Variants in RAB44 observed in about 807,000 individuals in gnomAD.
RAB44 encodes RAB44, member RAS oncogene family, also known as ras-related protein Rab-44.
RAB44 carries 67 observed loss-of-function variants against 93.3 expected under a neutral mutation model. The observed-to-expected ratio is 0.72, with a 90% CI of 0.59 to 0.88. RAB44 has a LOEUF of 0.88. Among genes scored for constraint, RAB44 ranks in the 40% least tolerant of loss-of-function variants. The pLI, the probability that RAB44 is intolerant of heterozygous loss-of-function variation, is 0.00. For synonymous variants in RAB44, 427 were observed against 520.3 expected (o/e 0.82, Z 2.44); for missense variants, 1,064 against 1,261.7 (o/e 0.84, Z 2.37).
chr6:36,713,377 G>A (rs1382724954), intron 2 of RAB44, among the ~76,000 whole-genome samples: 1 of 152,014 alleles, frequency 6.6e-6, no homozygotes, highest in African/African-American at 2.4e-5. Flanking sequence ...TGTATTTTTA[G>A]TAGAGACGGG....
intron 9 of RAB44, among the ~76,000 whole-genome samples, chr6:36,724,838 A>T (rs1372311885): frequency 6.6e-6 from 1 of 152,092 alleles, no homozygotes; most frequent in Non-Finnish European, 1.5e-5. Context: ...ACAGGAAATG[A>T]TCCTGCCTTC....
intron 11 of RAB44, 41 bp from the exon 12 acceptor site, chr6:36,728,659 C>A: frequency 6.6e-7 from 1 of 1,514,874 alleles, no homozygotes; most frequent in Non-Finnish European, 9.0e-7. Flanking sequence ...AGGAGCCTGG[C>A]ACACAGTGGG....
intron 3 of RAB44, 68 bp from the exon 4 acceptor site, chr6:36,715,411 C>A: frequency 6.9e-7 from 1 of 1,440,102 alleles, no homozygotes. Context: ...TGGACCAGGG[C>A]TGGGTGGGAG....
chr6:36,726,371 A>T (rs1309066797), intron 10 of RAB44, among the ~76,000 whole-genome samples: 1 of 152,110 alleles, frequency 6.6e-6, no homozygotes, highest in Non-Finnish European at 1.5e-5. Flanking sequence ...TCAGCCTCTG[A>T]GTAGCTGGGA....
intron 3 of RAB44, among the ~76,000 whole-genome samples, chr6:36,714,271 G>C (rs1017404838): frequency 6.6e-6 from 1 of 152,240 alleles, no homozygotes; most frequent in Non-Finnish European, 1.5e-5. Context: ...GAGCAGCAGA[G>C]GGTGATATCT....
chr6:36,717,293 TG>T lies in RAB44; in HGVS notation c.516del (p.Trp173GlyfsTer22). On this transcript the variant is annotated frameshift_variant, in exon 5 of 14. Transcript: ENST00000612677. LOFTEE classifies it high-confidence loss of function. The surrounding 1 kb of genome is among the most constrained non-coding windows in gnomAD (Gnocchi z 4.1). Reference protein sequence around the residue: ...LLPKQMEIWQLWGQLRQEEPQ... With the variant: ...LLPKQMEIWQXWGQLRQEEPQ... ...CCCAGGCAGATGGAAATCTGGCAAC[TG>T]TGGGGGCAGCTGCGGCAGGAGGAGC... The T allele has an allele frequency of 1.6e-6, 2 of 1,232,064 alleles. No homozygotes were observed. Among genetic ancestry groups the T allele is most frequent in the Non-Finnish European group, 1.0e-6 (1 of 987,944 alleles). 76.3% of individuals were successfully genotyped at this position (1,232,064 alleles called of 1,614,324 possible).
At position 36,704,331 on chromosome 6, in the gene RAB44, A is replaced by G; in HGVS notation, c.96A>G (p.Ala32=). The G allele has an allele frequency of 1.3e-6, 2 of 1,536,160 alleles. No homozygotes were observed. Among genetic ancestry groups the G allele is most frequent in the African/African-American group, 1.4e-5 (1 of 73,172 alleles). Residue 32 remains alanine (A), a synonymous_variant, in exon 2 of 14, where the codon GCA becomes GCG. Coordinates refer to ENST00000612677, the MANE Select transcript of RAB44 (RefSeq NM_001257357.2). ...TREPADGEGA[A]VAPEPESWSS... ...AGCCAGCTGATGGTGAAGGCGCTGC[A>G]GTGGCCCCAGAGCCAGAGTCTTGGT...
chr6:36,702,120 C>T (rs1473026440), intron 1 of RAB44, among the ~76,000 whole-genome samples: 2 of 152,034 alleles, frequency 1.3e-5, no homozygotes, highest in Non-Finnish European at 2.9e-5. Flanking sequence ...TGATTCATGG[C>T]ATTTGCTGAT....
In RAB44 at chr6:36,718,549, G is replaced by A. The variant is rs138574098; in HGVS notation, c.789G>A (p.Lys263=). The part of the protein sequence containing the change: ...TSQMQDVLEA[K]EREVQRLAEG... ...AGATGCAGGACGTCCTAGAGGCCAAGGAGCGCGAGGTGCAGCGACTAGCTG... is the reference window on the plus strand; with the variant it reads ...AGATGCAGGACGTCCTAGAGGCCAAAGAGCGCGAGGTGCAGCGACTAGCTG... The change falls in exon 7 of 14, where the codon AAG becomes AAA. Residue 263 remains lysine, a synonymous_variant. Transcript: ENST00000612677. The A allele has an allele frequency of 8.0e-4, 985 of 1,234,266 alleles. 6 individuals carry two copies. In the African/African-American group the frequency reaches 0.013, roughly 17 times the overall value. 76.5% of individuals were successfully genotyped at this position (1,234,266 alleles called of 1,614,324 possible). A position where few individuals can be genotyped will look rare whatever the true frequency, so the allele number is the denominator to read the frequency against.
At chr6:36,726,618 CAT>C (rs1763245278) in intron 10 of RAB44, among the ~76,000 whole-genome samples, 1 of 152,108 alleles carries the variant, frequency 6.6e-6, no homozygotes, top group South Asian at 2.1e-4. Flanking sequence ...TAAATAGACT[CAT>C]ATGACTATAA....
chr6:36,720,062 G>A (rs1488830698), intron 7 of RAB44, among the ~76,000 whole-genome samples: 3 of 152,220 alleles, frequency 2.0e-5, no homozygotes, highest in Non-Finnish European at 4.4e-5. Flanking sequence ...ACTGTAGGGC[G>A]CTGAGTAGAG....
At position 36,704,171 on chromosome 6, in the gene RAB44, T is replaced by C. The variant is rs563882821; in HGVS notation, c.-12-53T>C. 2.8e-5 allele frequency: 41 copies of C among 1,445,468 alleles called. 1 individual carries two copies. The East Asian group carries it at 8.0e-4, about 28-fold the overall frequency. The allele number at this position is 1,445,468 out of a possible 1,614,324, so 89.5% of individuals were successfully genotyped here. On this transcript the variant is annotated intron_variant, in intron 1 of 13. Transcript: ENST00000612677. ...GGAGCCAGGGGAGGGTTTTGAGCCA[T>C]GAGAGGGCGTGACTGTCCAGCAGCC...
chr6:36,698,506 G>T (rs556492879), intron 1 of RAB44, among the ~76,000 whole-genome samples: 2 of 152,166 alleles, frequency 1.3e-5, no homozygotes, highest in Non-Finnish European at 2.9e-5. Flanking sequence ...GTGGATTCCC[G>T]CAGGTGCTTG....
chr6:36,697,961 A>G (rs1281223231), intron 1 of RAB44, 46 bp downstream of exon 1: 1 of 152,244 alleles, frequency 6.6e-6, no homozygotes, highest in Non-Finnish European at 1.5e-5. Flanking sequence ...CTTTGGAAGG[A>G]TGAGGATGGG....
chr6:36,727,762 C>A, intron 11 of RAB44, 71 bp downstream of exon 11: 2 of 940,534 alleles, frequency 2.1e-6, no homozygotes, highest in Non-Finnish European at 3.4e-6. Flanking sequence ...TGCCCACTCC[C>A]TCTTTTCTCC....
intron 7 of RAB44, among the ~76,000 whole-genome samples, chr6:36,720,022 T>C (rs1387981491): frequency 2.6e-5 from 4 of 152,198 alleles, no homozygotes; most frequent in African/African-American, 9.6e-5. Flanking sequence ...GAGCCCCCTG[T>C]AGACCAGACA....
chr6:36,698,300 C>T (rs866258693), intron 1 of RAB44, among the ~76,000 whole-genome samples: 52 of 152,184 alleles, frequency 3.4e-4, no homozygotes, highest in African/African-American at 1.1e-3. Context: ...CTATTGAAGC[C>T]AGCCAAGTGG....
intron 7 of RAB44, among the ~76,000 whole-genome samples, chr6:36,719,335 G>A (rs969529673): frequency 2.0e-5 from 3 of 152,180 alleles, no homozygotes; most frequent in Non-Finnish European, 4.4e-5. Flanking sequence ...GCTGCTCCTT[G>A]GAAATCGAGG....
In RAB44 at chr6:36,715,460, G is replaced by C; in HGVS notation, c.320-19G>C. On this transcript the variant is annotated intron_variant, in intron 3 of 13. Coordinates refer to ENST00000612677, the MANE Select transcript of RAB44 (RefSeq NM_001257357.2). ...GCCCAACACCACTGTGCTCCCCTCT[G>C]TCCACTTCTGTCCCACAGAAAACAT... is the stretch of plus-strand genomic sequence containing the variant. 1 of 1,535,784 alleles carries C rather than the reference G, an allele frequency of 6.5e-7. No individual in the cohort carries two copies. Among genetic ancestry groups the C allele is most frequent in the Non-Finnish European group, 8.7e-7 (1 of 1,146,692 alleles).
Sources: allele counts gnomAD v4.1 joint callset (sites outside exome capture counted in the v4.1 genomes callset), GRCh38; gene constraint gnomAD v4.1.1; non-coding constraint Gnocchi (gnomAD v3.1); transcripts MANE v1.5; gene names NCBI Gene and HGNC (gene_info 2026-07-23, HGNC 2026-07-21).